PKM: variants seen among roughly 807,000 people sequenced by gnomAD.
The protein encoded by PKM is pyruvate kinase M1/2.
Under a neutral mutation model 49.8 loss-of-function variants are expected in PKM, and 18 were observed. The observed-to-expected ratio is 0.36, with a 90% confidence interval of 0.25 to 0.54. PKM has a LOEUF of 0.54. Among genes scored for constraint, PKM ranks in the 20% least tolerant of loss-of-function variants. PKM has a pLI of 0.89. For synonymous variants in PKM, 239 were observed against 261.8 expected, an observed-to-expected ratio of 0.91 and a Z score of 0.84; for missense variants, 508 against 713.8, an observed-to-expected ratio of 0.71 and a Z score of 3.28.
At chr15:72,222,195 T>C (rs559846975) in intron 1 of PKM, among the ~76,000 whole-genome samples, 1 of 152,314 alleles carries the variant, frequency 6.6e-6, no homozygotes, top group Admixed American at 6.5e-5. Flanking sequence ...AAATGACAAA[T>C]GAAAATTTCT....
chr15:72,218,368 C>A (rs1250906732), intron 2 of PKM, among the ~76,000 whole-genome samples: 2 of 152,002 alleles, frequency 1.3e-5, no homozygotes, highest in African/African-American at 4.8e-5. Flanking sequence ...CTCAGGTGAT[C>A]CACCTGCCTC....
At chr15:72,228,116 A>G (rs1332350428) in intron 1 of PKM, among the ~76,000 whole-genome samples, 1 of 152,248 alleles carries the variant, frequency 6.6e-6, no homozygotes, top group East Asian at 1.9e-4. Context: ...CTTAAAATGA[A>G]AGCAGTTGTG....
At chr15:72,207,016 C>A in intron 7 of PKM, 111 bp downstream of exon 7, 1 of 1,489,378 alleles carries the variant, frequency 6.7e-7, no homozygotes, top group Non-Finnish European at 9.4e-7. Flanking sequence ...AGGGGATTAT[C>A]TGTGTGTTAC....
At chr15:72,222,059 T>C (rs962994152) in intron 1 of PKM, among the ~76,000 whole-genome samples, 2 of 152,154 alleles carry the variant, frequency 1.3e-5, no homozygotes, top group African/African-American at 4.8e-5. Context: ...ACAGAAGGGC[T>C]GCCTCCAAGT....
At chr15:72,222,735 T>TGAGCCC (rs1357235585) in intron 1 of PKM, among the ~76,000 whole-genome samples, 4 of 152,160 alleles carry the variant, frequency 2.6e-5, no homozygotes, top group East Asian at 1.9e-4. Context: ...GCCTTATTCT[T>TGAGCCC]GAGCCCGAGC....
intron 8 of PKM, among the ~76,000 whole-genome samples, chr15:72,204,915 C>T (rs2082033427): frequency 6.6e-6 from 1 of 152,090 alleles, no homozygotes; most frequent in Admixed American, 6.5e-5. Flanking sequence ...GAAAGGCAGC[C>T]ACTTTAGTGG....
intron 5 of PKM, 188 bp downstream of exon 5, chr15:72,209,485 A>T: frequency 2.2e-6 from 1 of 459,368 alleles, no homozygotes. Flanking sequence ...GTTCTCCAGA[A>T]CCAGAAGAAT....
chr15:72,207,840 G>A (rs1395687514), intron 6 of PKM, among the ~76,000 whole-genome samples: 1 of 152,240 alleles, frequency 6.6e-6, no homozygotes, highest in Non-Finnish European at 1.5e-5. Flanking sequence ...TGGTACAGAG[G>A]ATATCTACAC....
intron 10 of PKM, 122 bp from the exon 11 acceptor site, chr15:72,199,878 A>G (rs2081895971): frequency 4.2e-6 from 3 of 717,298 alleles, no homozygotes; most frequent in Admixed American, 2.0e-5. Context: ...TCACACCACA[A>G]GGTGGCACCA....
Position 72,202,481 on chromosome 15 carries a change from G to A in PKM, c.1280C>T (p.Ala427Val). The A allele has an allele frequency of 6.2e-7, 1 of 1,613,488 alleles. No individual in the cohort carries two copies. The highest frequency in any genetic ancestry group is 8.5e-7 in the Non-Finnish European group (1 of 1,179,892). The change falls in exon 9 of 11, where the codon GCC becomes GTC. Residue 427 changes from alanine to valine, a missense_variant. Physicochemically the swap from Ala to Val is moderately conservative, Grantham distance 64 (BLOSUM62 0). Transcript: ENST00000335181. The surrounding 1 kb of genome is among the most constrained non-coding windows in gnomAD (Gnocchi z 4.5). Reference sequence around the variant, plus strand: ...GCCAGACTTGGTGAGGACGATTATGGCCCCACTGCAGCACTTGAAGGAGGC... The same window carrying A: ...GCCAGACTTGGTGAGGACGATTATGACCCCACTGCAGCACTTGAAGGAGGC... ...VEASFKCCSGAIIVLTKSGRS... is the reference protein window; with the variant it reads ...VEASFKCCSGVIIVLTKSGRS...
chr15:72,212,337 T>C (rs1256527503), intron 3 of PKM, among the ~76,000 whole-genome samples: 2 of 152,042 alleles, frequency 1.3e-5, no homozygotes, highest in Non-Finnish European at 2.9e-5. Context: ...TAGCTGGGCG[T>C]GGTGGCGTGC....
At chr15:72,217,246 A>T (rs1181517816) in intron 3 of PKM, among the ~76,000 whole-genome samples, 163 bp downstream of exon 3, 1 of 152,220 alleles carries the variant, frequency 6.6e-6, no homozygotes, top group East Asian at 1.9e-4. Context: ...TTGTCAGGAC[A>T]AGAGGGAAGG....
intron 3 of PKM, among the ~76,000 whole-genome samples, chr15:72,210,874 G>T (rs1319161732): frequency 6.6e-6 from 1 of 152,110 alleles, no homozygotes; most frequent in Non-Finnish European, 1.5e-5. Flanking sequence ...AGGGCAAAAA[G>T]CCTAGGACTT....
At chr15:72,214,906 C>A (rs2082340292) in intron 3 of PKM, among the ~76,000 whole-genome samples, 1 of 152,006 alleles carries the variant, frequency 6.6e-6, no homozygotes, top group Non-Finnish European at 1.5e-5. Flanking sequence ...GGGCTGAAGA[C>A]TAGTTGCCAA....
intron 8 of PKM, 188 bp downstream of exon 8, chr15:72,206,540 A>AT (rs1567108081): frequency 5.0e-6 from 3 of 602,950 alleles, no homozygotes; most frequent in Non-Finnish European, 8.8e-6. Context: ...GTGGGCAGGA[A>AT]TGCAGAACAG....
chr15:72,199,529 G>A lies in PKM; in HGVS notation c.*121C>T. 1.3e-6 allele frequency: 1 copy of A among 743,722 alleles called. No homozygotes were observed. The highest frequency in any genetic ancestry group is 2.4e-6 in the Non-Finnish European group (1 of 408,576). The allele number at this position is 743,722 out of a possible 1,614,324, so 46.1% of individuals were successfully genotyped here. On this transcript the variant is annotated 3_prime_UTR_variant, in exon 11 of 11. Coordinates refer to ENST00000335181, the MANE Select transcript of PKM (RefSeq NM_002654.6). ...AGTGAGGCGTTGATCTTCTTCCCTGGTGTCCCAACCTACCAGTGCCACGTT... is the reference window on the plus strand; with the variant it reads ...AGTGAGGCGTTGATCTTCTTCCCTGATGTCCCAACCTACCAGTGCCACGTT...
At chr15:72,217,623 G>A (rs1204604002) in intron 2 of PKM, 123 bp from the exon 3 acceptor site, 18 of 703,056 alleles carry the variant, frequency 2.6e-5, no homozygotes, top group Non-Finnish European at 4.3e-5. Context: ...TAGCTCAAAA[G>A]TCTTTAAAAA....
In PKM at chr15:72,218,831, T is replaced by C. The variant is rs1026762804; in HGVS notation, c.154+113A>G. ...ACCTGAGTCCTTTCATAAGAATCTG[T>C]GTAGTATCCCATGTAGCACCTAGGT... On this transcript the variant is annotated intron_variant, in intron 2 of 10. Coordinates refer to ENST00000335181, the MANE Select transcript of PKM (RefSeq NM_002654.6). The C allele has an allele frequency of 1.1e-5, 12 of 1,055,104 alleles. No homozygotes were observed. The Admixed American group carries it at 1.2e-4, about 10-fold the overall frequency. 65.4% of individuals were successfully genotyped at this position (1,055,104 alleles called of 1,614,324 possible).
intron 3 of PKM, among the ~76,000 whole-genome samples, chr15:72,215,921 C>G (rs1036154738): frequency 2.0e-5 from 3 of 152,134 alleles, no homozygotes; most frequent in African/African-American, 7.2e-5. Flanking sequence ...TGGAAAACTA[C>G]AGAATTTTCC....
Sources: allele counts gnomAD v4.1 joint callset (sites outside exome capture counted in the v4.1 genomes callset), GRCh38; gene constraint gnomAD v4.1.1; non-coding constraint Gnocchi (gnomAD v3.1); transcripts MANE v1.5; gene names NCBI Gene and HGNC (gene_info 2026-07-23, HGNC 2026-07-21).